The following CASP6 variants were observed in gnomAD, a reference collection of about 807,000 sequenced individuals.
CASP6 encodes the protein caspase 6.
CASP6 carries 20 observed loss-of-function variants against 31.8 expected under a neutral mutation model. The ratio of observed to expected loss-of-function variants is 0.63; its 90% CI spans 0.44 to 0.91. The LOEUF (loss-of-function observed/expected upper bound fraction) is 0.91, where lower values mean the gene tolerates loss of function less well. CASP6 is among the 40% of genes least tolerant of loss of function. The pLI, the probability that CASP6 is intolerant of heterozygous loss-of-function variation, is 0.00. For synonymous variants in CASP6, 130 were observed against 127.8 expected, an observed-to-expected ratio of 1.02 and a Z score of -0.12; for missense variants, 328 against 361.1, an observed-to-expected ratio of 0.91 and a Z score of 0.74.
upstream of CASP6, among the ~76,000 whole-genome samples, chr4:109,706,990 C>T (rs1297117221): frequency 6.6e-6 from 1 of 152,172 alleles, no homozygotes; most frequent in East Asian, 1.9e-4. Context: ...GCAACTACCA[C>T]CCTAATCAGT....
At chr4:109,671,358 TAA>T in the CASP6 span, among the ~76,000 whole-genome samples, 12 of 152,352 alleles carry the variant, frequency 7.9e-5, no homozygotes, top group African/African-American at 1.2e-4. Context: ...CCATTATGCC[TAA>T]GTTACACTTG....
upstream of CASP6, among the ~76,000 whole-genome samples, chr4:109,705,438 T>C (rs2126163316): frequency 1.3e-5 from 2 of 152,328 alleles, 1 homozygote; most frequent in South Asian, 4.1e-4. Flanking sequence ...ACAACATCCA[T>C]TCTGAAGCCC....
chr4:109,703,945 ATTG>A (rs1461369509), upstream of CASP6, among the ~76,000 whole-genome samples: 1 of 151,944 alleles, frequency 6.6e-6, no homozygotes. Flanking sequence ...AAAATTTTTC[ATTG>A]TTATTATGTC....
At position 109,689,462 on chromosome 4, in the gene CASP6, T is replaced by C. The variant is rs1729962095; in HGVS notation, c.750A>G (p.Thr250=). ...GSSLEFTELL[T]LVNRKVSQRR... ...GCTGAGAAACTTTCCTGTTCACCAG[T>C]GTGAGGAGTTCTGTGAACTCTAAGG... The change falls in exon 7 of 7, where the codon ACA becomes ACG. Residue 250 remains threonine, a synonymous_variant. Coordinates refer to ENST00000265164, the MANE Select transcript of CASP6 (RefSeq NM_001226.4). 1 of 1,614,188 alleles carries C rather than the reference T, an allele frequency of 6.2e-7. No homozygotes were observed. The highest frequency in any genetic ancestry group is 8.5e-7 in the Non-Finnish European group (1 of 1,180,034).
At chr4:109,667,716 T>G in the CASP6 span, among the ~76,000 whole-genome samples, 1 of 151,080 alleles carries the variant, frequency 6.6e-6, no homozygotes, top group East Asian at 1.9e-4. Flanking sequence ...CATTTGCTCC[T>G]CTTTCTCTAG....
chr4:109,678,420 C>T, the CASP6 span, among the ~76,000 whole-genome samples: 1 of 149,764 alleles, frequency 6.7e-6, no homozygotes, highest in African/African-American at 2.5e-5. Context: ...CAGAGGCGCT[C>T]CTCACTTCCC....
chr4:109,678,665 G>C, the CASP6 span, among the ~76,000 whole-genome samples: 1 of 143,398 alleles, frequency 7.0e-6, no homozygotes, highest in Non-Finnish European at 1.5e-5. Flanking sequence ...TCACCTCTCA[G>C]ATGGGGCGGC....
the CASP6 span, among the ~76,000 whole-genome samples, chr4:109,682,081 G>A: frequency 1.3e-5 from 2 of 151,920 alleles, no homozygotes; most frequent in Admixed American, 6.6e-5. Context: ...TTCTCTGGTT[G>A]GGTGTGAGCC....
chr4:109,687,657 T>C (rs1284714645), downstream of CASP6: 1 of 941,076 alleles, frequency 1.1e-6, no homozygotes, highest in East Asian at 2.4e-5. Context: ...AGGATGTTTT[T>C]GAGTCCCATG....
At chr4:109,678,553 G>A in the CASP6 span, among the ~76,000 whole-genome samples, 7 of 148,674 alleles carry the variant, frequency 4.7e-5, no homozygotes, top group Non-Finnish European at 7.4e-5. Flanking sequence ...TCCCAGACGG[G>A]GCGGCCGGGC....
the CASP6 span, chr4:109,683,156 T>G: frequency 6.5e-6 from 1 of 153,092 alleles, no homozygotes; most frequent in African/African-American, 2.4e-5. Context: ...AGCTGGAAAG[T>G]TGGTAATGGC....
At chr4:109,706,441 TG>T (rs1243034489), upstream of CASP6, among the ~76,000 whole-genome samples, 2 of 151,790 alleles carry the variant, frequency 1.3e-5, no homozygotes, top group African/African-American at 4.8e-5. Flanking sequence ...GCAAAGAAAG[TG>T]GTTTATTGAG....
intron 5 of CASP6, among the ~76,000 whole-genome samples, chr4:109,692,886 G>A (rs916328643): frequency 1.3e-4 from 20 of 152,194 alleles, no homozygotes; most frequent in Admixed American, 6.5e-4. Flanking sequence ...GGTAGGATGC[G>A]AAATGCAGTT....
At chr4:109,684,452 G>A, downstream of CASP6, 2 of 1,609,772 alleles carry the variant, frequency 1.2e-6, no homozygotes, top group Non-Finnish European at 1.7e-6. Flanking sequence ...GGTGAAAGCT[G>A]GAATAGAAGC....
chr4:109,681,547 C>G, the CASP6 span: 1 of 420,230 alleles, frequency 2.4e-6, no homozygotes, highest in African/African-American at 2.1e-5. Context: ...CTCACGGATT[C>G]TAAGGAACGG....
In CASP6 at chr4:109,689,278, G is replaced by A; in HGVS notation, c.*52C>T. The A allele has an allele frequency of 6.4e-7, 1 of 1,553,808 alleles. No individual in the cohort carries two copies. Among genetic ancestry groups the A allele is most frequent in the Non-Finnish European group, 8.9e-7 (1 of 1,129,068 alleles). On this transcript the variant is annotated 3_prime_UTR_variant, in exon 7 of 7. Coordinates refer to ENST00000265164, the MANE Select transcript of CASP6 (RefSeq NM_001226.4). ...TTACAGGTGTGAGTAACCACGCCTG[G>A]CTGAGAAAGCCATTTTCAATACAGA...
At chr4:109,677,616 AGT>A in the CASP6 span, among the ~76,000 whole-genome samples, 1 of 152,006 alleles carries the variant, frequency 6.6e-6, no homozygotes, top group African/African-American at 2.4e-5. Context: ...TTATCATGGG[AGT>A]GTGTTATCTT....
chr4:109,708,042 CTAATA>C (rs1225387258), upstream of CASP6, among the ~76,000 whole-genome samples: 1 of 152,068 alleles, frequency 6.6e-6, no homozygotes, highest in African/African-American at 2.4e-5. Flanking sequence ...GGCACCACTT[CTAATA>C]TATTAAAATA....
chr4:109,677,333 A>G, the CASP6 span, among the ~76,000 whole-genome samples: 3 of 152,176 alleles, frequency 2.0e-5, no homozygotes, highest in Non-Finnish European at 4.4e-5. Flanking sequence ...TTGCTTCAGG[A>G]TGAATCATGC....
Sources: allele counts gnomAD v4.1 joint callset (sites outside exome capture counted in the v4.1 genomes callset), GRCh38; gene constraint gnomAD v4.1.1; transcripts MANE v1.5; gene names NCBI Gene and HGNC (gene_info 2026-07-23, HGNC 2026-07-21).